ZNF236: variants seen among roughly 807,000 people sequenced by gnomAD.
The protein encoded by ZNF236 is regulated by glucose.
A neutral mutation model predicts 191.2 loss-of-function variants in ZNF236; 50 were observed. The ratio of observed to expected loss-of-function variants is 0.26; its 90% confidence interval spans 0.21 to 0.33. The LOEUF is 0.33. Ranked by LOEUF, ZNF236 falls within the 10% of genes least tolerant of loss-of-function variation. The probability of loss-of-function intolerance (pLI) is 1.00; values close to 1 mark genes in which losing one functional copy is unlikely to be tolerated. For synonymous variants in ZNF236, 907 were observed against 928.8 expected (o/e 0.98, Z 0.43); for missense variants, 1,754 against 2,374.5 (o/e 0.74, Z 5.43).
At chr18:76,930,590 G>A (rs1967819289) in intron 25 of ZNF236, among the ~76,000 whole-genome samples, 1 of 152,206 alleles carries the variant, frequency 6.6e-6, no homozygotes, top group Non-Finnish European at 1.5e-5. Context: ...GCATGTTAGT[G>A]TGTACTTGAG....
intron 1 of ZNF236, among the ~76,000 whole-genome samples, chr18:76,844,924 A>G (rs947977445): frequency 3.9e-5 from 6 of 152,194 alleles, no homozygotes; most frequent in African/African-American, 1.4e-4. Flanking sequence ...ATGGAATAGC[A>G]GGATTATGGA....
chr18:76,853,502 A>T (rs185951063), intron 3 of ZNF236, among the ~76,000 whole-genome samples: 10 of 152,338 alleles, frequency 6.6e-5, no homozygotes, highest in Admixed American at 1.3e-4. Flanking sequence ...TTGGAAAAAA[A>T]TTAGTTATAA....
At chr18:76,870,774 G>A (rs959170260) in intron 4 of ZNF236, among the ~76,000 whole-genome samples, 4 of 152,120 alleles carry the variant, frequency 2.6e-5, no homozygotes, top group Non-Finnish European at 4.4e-5. Flanking sequence ...GGAGTGTGTT[G>A]GTGGAAGCAG....
At chr18:76,862,580 T>C (rs891812063) in intron 3 of ZNF236, among the ~76,000 whole-genome samples, 5 of 152,100 alleles carry the variant, frequency 3.3e-5, no homozygotes, top group African/African-American at 4.8e-5. Context: ...CATCCTCCCT[T>C]AGCAGAAGCA....
In ZNF236 at chr18:76,960,777, A is replaced by T. The variant is rs1968648161; in HGVS notation, c.5341A>T (p.Lys1781Ter). ...GAAGCACACGGGGGAGCGGCCCTAC[A>T]AGTGTGCCTACTGCGTCATGGGCTT... ...MKKHTGERPY[K>*]CAYCVMGFTQ... is the part of the protein sequence containing the mutation. Residue 1781 changes from lysine to a stop codon, truncating the protein, a stop_gained, in exon 30 of 31, where the codon AAG becomes TAG. Coordinates refer to ENST00000320610, the MANE Select transcript of ZNF236 (RefSeq NM_001306089.2). LOFTEE classifies it high-confidence loss of function. The surrounding 1 kb of genome is among the most constrained non-coding windows in gnomAD (Gnocchi z 4.4). 1 of 1,614,066 alleles carries T rather than the reference A, an allele frequency of 6.2e-7. No homozygotes were observed. The highest frequency in any genetic ancestry group is 1.3e-5 in the African/African-American group (1 of 74,938).
At chr18:76,889,263 G>C (rs533741642) in intron 9 of ZNF236, among the ~76,000 whole-genome samples, 56 of 152,336 alleles carry the variant, frequency 3.7e-4, no homozygotes, top group Non-Finnish European at 7.4e-4. Context: ...TCCTATGGAA[G>C]TAATCAGCAT....
At chr18:76,918,701 C>T (rs78955210) in intron 19 of ZNF236, among the ~76,000 whole-genome samples, 89 of 152,200 alleles carry the variant, frequency 5.8e-4, no homozygotes, top group East Asian at 4.1e-3. Flanking sequence ...ATTACAGGCG[C>T]GCGCCCCCAT....
rs1355981709 is a variant in ZNF236 at position 76,970,704 on chromosome 18, T to C, written c.*2365T>C. 1 of 152,412 alleles carries C rather than the reference T, an allele frequency of 6.6e-6. No homozygotes were observed. Among genetic ancestry groups the C allele is most frequent in the Non-Finnish European group, 1.5e-5 (1 of 68,034 alleles). The allele number at this position is 152,412 out of a possible 1,614,324, so 9.4% of individuals were successfully genotyped here. ...TAGCATATCTGCTTTGGAATAACTA[T>C]AAATAAAAGATGAAGTTAGGAAATG... is the stretch of plus-strand genomic sequence containing the variant. On this transcript the variant is annotated 3_prime_UTR_variant, in exon 31 of 31. Coordinates refer to ENST00000320610, the MANE Select transcript of ZNF236 (RefSeq NM_001306089.2).
intron 30 of ZNF236, among the ~76,000 whole-genome samples, chr18:76,963,387 C>G (rs1039588002): frequency 4.6e-5 from 7 of 152,102 alleles, no homozygotes; most frequent in Admixed American, 6.5e-5. Flanking sequence ...TATCGACTTG[C>G]ATATGTTAAA....
intron 25 of ZNF236, among the ~76,000 whole-genome samples, chr18:76,932,075 T>A (rs553714869): frequency 3.3e-5 from 5 of 152,340 alleles, no homozygotes; most frequent in African/African-American, 1.2e-4. Flanking sequence ...GAGCTGGCCC[T>A]GTGTTCTGGA....
At chr18:76,883,281 G>A (rs1054184402) in intron 9 of ZNF236, among the ~76,000 whole-genome samples, 4 of 150,428 alleles carry the variant, frequency 2.7e-5, no homozygotes, top group African/African-American at 9.8e-5. Context: ...AAATACACAT[G>A]TAGAGTACTG....
chr18:76,838,569 G>C (rs1347658758), intron 1 of ZNF236, among the ~76,000 whole-genome samples: 1 of 152,174 alleles, frequency 6.6e-6, no homozygotes, highest in African/African-American at 2.4e-5. Flanking sequence ...TTTGTAGGTT[G>C]TACGGCCTCT....
At chr18:76,828,997 C>G (rs545473795) in intron 1 of ZNF236, among the ~76,000 whole-genome samples, 2 of 152,268 alleles carry the variant, frequency 1.3e-5, no homozygotes, top group East Asian at 1.9e-4. Context: ...TAGATAACCT[C>G]TAAAGATTTT....
At position 76,925,471 on chromosome 18, in the gene ZNF236, A is replaced by G. The variant is rs1275548218; in HGVS notation, c.3944A>G (p.Asn1315Ser). 10 of 1,614,096 alleles carry G rather than the reference A, an allele frequency of 6.2e-6. No individual in the cohort carries two copies. The highest frequency in any genetic ancestry group is 8.5e-6 in the Non-Finnish European group (10 of 1,180,028). Residue 1315 changes from asparagine to serine, a missense_variant, in exon 22 of 31, where the codon AAC becomes AGC. By Grantham distance (46) the Asn-to-Ser change is conservative. This residue lies in a region of ZNF236 where 606 missense variants were observed against 761.5 expected (regional missense o/e 0.80). Coordinates refer to ENST00000320610, the MANE Select transcript of ZNF236 (RefSeq NM_001306089.2). The surrounding 1 kb of genome is among the most constrained non-coding windows in gnomAD (Gnocchi z 5.7). Reference protein sequence around the residue: ...STDPNVFIMNNSVLTGQFDQN... With the variant: ...STDPNVFIMNSSVLTGQFDQN... ...GACCCAAACGTGTTTATCATGAACA[A>G]CTCTGTTCTAACAGGACAGTTTGAT...
chr18:76,823,936 AGCGGCGCTCC>A (rs1974944367), intron 1 of ZNF236, among the ~76,000 whole-genome samples: 1 of 151,902 alleles, frequency 6.6e-6, no homozygotes, highest in South Asian at 2.1e-4. Context: ...GTGCAACTGG[AGCGGCGCTCC>A]GCGTTTGGAA....
At chr18:76,844,037 C>T (rs1243287576) in intron 1 of ZNF236, among the ~76,000 whole-genome samples, 1 of 151,648 alleles carries the variant, frequency 6.6e-6, no homozygotes, top group African/African-American at 2.4e-5. Context: ...GTCAGGAGTT[C>T]GAGACCAGCC....
chr18:76,896,396 C>CAGTACCAAACACAGTACTACACACA, intron 10 of ZNF236, among the ~76,000 whole-genome samples: 1 of 150,874 alleles, frequency 6.6e-6, no homozygotes, highest in Non-Finnish European at 1.5e-5. Flanking sequence ...GTATCGAACA[C>CAGTACCAAACACAGTACTACACACA]AGTACCAAAC....
intron 18 of ZNF236, among the ~76,000 whole-genome samples, chr18:76,914,974 T>A (rs1439817041): frequency 1.3e-5 from 2 of 152,060 alleles, no homozygotes; most frequent in Non-Finnish European, 2.9e-5. Context: ...AGGTTGATGA[T>A]TGAGGAGTGG....
intron 30 of ZNF236, among the ~76,000 whole-genome samples, chr18:76,963,616 C>T (rs536157892): frequency 6.6e-6 from 1 of 152,174 alleles, no homozygotes; most frequent in Non-Finnish European, 1.5e-5. Flanking sequence ...TTCTCTTTTT[C>T]TCTGTCTTGT....
Sources: gnomAD v4.1 joint callset for allele counts (sites outside exome capture counted in the v4.1 genomes callset) on GRCh38, gnomAD v4.1.1 for gene constraint, gnomAD v4.1.1 regional missense constraint, Gnocchi (gnomAD v3.1) non-coding constraint, MANE v1.5 for transcripts, NCBI Gene and HGNC (gene_info 2026-07-23, HGNC 2026-07-21) for gene names.